The following CMIP variants were observed in gnomAD, a reference collection of about 807,000 sequenced individuals.
CMIP encodes the protein c-Maf inducing protein.
Under a neutral mutation model 97.3 loss-of-function variants are expected in CMIP, and 13 were observed. The observed-to-expected ratio is 0.13, with a 90% CI of 0.09 to 0.21. The LOEUF is 0.21. Ranked by LOEUF, CMIP falls within the 10% of genes least tolerant of loss-of-function variation. The pLI, the probability that CMIP is intolerant of heterozygous loss-of-function variation, is 1.00. For synonymous variants in CMIP, 538 were observed against 436.3 expected (o/e 1.23, Z -2.91); for missense variants, 847 against 1,024.9 (o/e 0.83, Z 2.37).
intron 20 of CMIP, among the ~76,000 whole-genome samples, chr16:81,708,290 C>T (rs750939607): frequency 6.6e-6 from 1 of 152,224 alleles, no homozygotes; most frequent in African/African-American, 2.4e-5. Context: ...GTCTGCAGAC[C>T]AGCACCCTCG....
chr16:81,538,450 CT>C (rs1237534145), intron 1 of CMIP, among the ~76,000 whole-genome samples: 1 of 152,192 alleles, frequency 6.6e-6, no homozygotes, highest in Non-Finnish European at 1.5e-5. Context: ...TGTGGGTTAG[CT>C]TTTTATTTTC....
intron 1 of CMIP, among the ~76,000 whole-genome samples, chr16:81,587,939 A>G (rs1474374173): frequency 2.0e-5 from 3 of 152,124 alleles, no homozygotes; most frequent in Admixed American, 6.6e-5. Context: ...CCCTCCATGG[A>G]AGCCTGCAGC....
chr16:81,681,413 A>C (rs569384051), intron 10 of CMIP, among the ~76,000 whole-genome samples: 3 of 152,184 alleles, frequency 2.0e-5, no homozygotes, highest in Admixed American at 1.3e-4. Context: ...CCCGTGCCAC[A>C]TACTAGTTGT....
chr16:81,477,348 A>G (rs1907988759), intron 1 of CMIP, among the ~76,000 whole-genome samples: 1 of 152,090 alleles, frequency 6.6e-6, no homozygotes, highest in South Asian at 2.1e-4. Flanking sequence ...TTTAGTAGAG[A>G]CAGGGTTTCA....
chr16:81,706,730 T>A (rs977361512), intron 19 of CMIP, among the ~76,000 whole-genome samples: 4 of 152,010 alleles, frequency 2.6e-5, no homozygotes, highest in Non-Finnish European at 5.9e-5. Flanking sequence ...TCTGGGGACA[T>A]CAGGTCCAGG....
intron 1 of CMIP, among the ~76,000 whole-genome samples, chr16:81,527,821 A>C (rs531643664): frequency 2.0e-5 from 3 of 152,182 alleles, no homozygotes; most frequent in Non-Finnish European, 4.4e-5. Flanking sequence ...AAAATATCCC[A>C]TTCTACTGAC....
rs149504806 is a variant in CMIP, at chr16:81,467,915, A to G, written c.300+22374A>G. Among the ~76,000 whole-genome samples the G allele has an allele frequency of 2.7e-3, 320 of 119,782 alleles. 3 individuals are homozygous for G. Among genetic ancestry groups the G allele is most frequent in the African/African-American group, 9.8e-3 (295 of 30,140 alleles). The allele number at this position is 119,782 out of a possible 152,430, so 78.6% of individuals were successfully genotyped here. On this transcript the variant is annotated intron_variant, in intron 1 of 20. Coordinates refer to ENST00000537098, the MANE Select transcript of CMIP (RefSeq NM_198390.3). The stretch of plus-strand genomic sequence containing the variant: ...TTTTTTTTTTTTTTTGAGGCAGAGT[A>G]TTGCTGTATTTCCCAGGCTGGAGTA...
chr16:81,559,252 G>C (rs1294486339), intron 1 of CMIP, among the ~76,000 whole-genome samples: 1 of 152,188 alleles, frequency 6.6e-6, no homozygotes, highest in Non-Finnish European at 1.5e-5. Context: ...AGGTGGGCTT[G>C]GGGTAAGAGT....
At chr16:81,681,752 C>T (rs1418167244) in intron 10 of CMIP, among the ~76,000 whole-genome samples, 2 of 152,194 alleles carry the variant, frequency 1.3e-5, no homozygotes, top group East Asian at 1.9e-4. Flanking sequence ...GAAATGCAGC[C>T]GTGGGCCTGA....
intron 1 of CMIP, among the ~76,000 whole-genome samples, chr16:81,514,842 G>A (rs1597493190): frequency 6.6e-6 from 1 of 152,220 alleles, no homozygotes; most frequent in East Asian, 1.9e-4. Flanking sequence ...CTGTGTGTGT[G>A]CCGTGCCAGT....
intron 1 of CMIP, among the ~76,000 whole-genome samples, chr16:81,484,607 A>G (rs1212570505): frequency 1.3e-5 from 2 of 151,984 alleles, no homozygotes; most frequent in African/African-American, 2.4e-5. Flanking sequence ...GTCATTGGGT[A>G]ATCATCTCCG....
intron 3 of CMIP, among the ~76,000 whole-genome samples, chr16:81,640,391 A>G (rs763511289): frequency 1.3e-5 from 2 of 151,870 alleles, no homozygotes; most frequent in Non-Finnish European, 2.9e-5. Context: ...CTTCTGTGAA[A>G]TGATGGGGCT....
At position 81,614,303 on chromosome 16, in the gene CMIP, G is replaced by A. The variant is rs1469939672; in HGVS notation, c.427-6573G>A. 6.6e-6 allele frequency among the ~76,000 whole-genome samples: 1 copy of A among 152,232 alleles called. No homozygotes were observed. The highest frequency in any genetic ancestry group is 1.5e-5 in the Non-Finnish European group (1 of 68,030). On this transcript the variant is annotated intron_variant, in intron 2 of 20. Coordinates refer to ENST00000537098, the MANE Select transcript of CMIP (RefSeq NM_198390.3). The surrounding 1 kb of genome is among the most constrained non-coding windows in gnomAD (Gnocchi z 5.3). Reference sequence around the variant, plus strand: ...ATTCTAGGTGGCTGGAAGCGGCACGGCATTGTTTCTAACTTGTGCTGTGTG... The same window carrying A: ...ATTCTAGGTGGCTGGAAGCGGCACGACATTGTTTCTAACTTGTGCTGTGTG...
intron 3 of CMIP, among the ~76,000 whole-genome samples, chr16:81,626,332 T>C (rs571022639): frequency 6.6e-6 from 1 of 151,384 alleles, no homozygotes; most frequent in East Asian, 2.0e-4. Flanking sequence ...GTGACTGGTG[T>C]GTCTGTGTGT....
intron 7 of CMIP, chr16:81,664,625 C>A: frequency 1.7e-6 from 1 of 580,900 alleles, no homozygotes; most frequent in South Asian, 2.3e-5. Context: ...AGAATAGGCC[C>A]AAATAATGTC....
chr16:81,606,991 G>T (rs1278535407), intron 1 of CMIP: 1 of 155,120 alleles, frequency 6.4e-6, no homozygotes, highest in Non-Finnish European at 1.5e-5. Context: ...CCGCCGAGAG[G>T]CGGGACTGGG....
intron 6 of CMIP, among the ~76,000 whole-genome samples, chr16:81,662,776 C>G (rs920518618): frequency 1.3e-5 from 2 of 152,180 alleles, no homozygotes; most frequent in Admixed American, 1.3e-4. Context: ...GCTTCCTTTC[C>G]AGTATGAAAA....
intron 1 of CMIP, among the ~76,000 whole-genome samples, chr16:81,461,313 C>T (rs1344951644): frequency 1.3e-5 from 2 of 152,156 alleles, no homozygotes; most frequent in East Asian, 3.8e-4. Flanking sequence ...TTGCCCCTTC[C>T]CCCTTTTTTT....
At chr16:81,557,311 GATGTTGGTTGAATT>G (rs2090783164) in intron 1 of CMIP, among the ~76,000 whole-genome samples, 2 of 123,790 alleles carry the variant, frequency 1.6e-5, no homozygotes, top group African/African-American at 6.0e-5. Flanking sequence ...TGAATTTACT[GATGTTGGTTGAATT>G]TACTGATGTT....
Sources: gnomAD v4.1 joint callset for allele counts (sites outside exome capture counted in the v4.1 genomes callset) on GRCh38, gnomAD v4.1.1 for gene constraint, Gnocchi (gnomAD v3.1) non-coding constraint, MANE v1.5 for transcripts, NCBI Gene and HGNC (gene_info 2026-07-23, HGNC 2026-07-21) for gene names.